Variants in MARCHF7 observed in about 807,000 individuals in gnomAD.
The protein encoded by MARCHF7 is E3 ubiquitin-protein ligase MARCHF7.
MARCHF7 carries 20 observed loss-of-function variants against 76.5 expected under a neutral mutation model. The observed-to-expected ratio is 0.26, with a 90% CI of 0.18 to 0.38. MARCHF7 has a LOEUF of 0.38. MARCHF7 is among the 10% of genes least tolerant of loss of function. The pLI, the probability that MARCHF7 is intolerant of heterozygous loss-of-function variation, is 1.00. For missense variants in MARCHF7, 797 were observed against 812.9 expected, an observed-to-expected ratio of 0.98 and a Z score of 0.24; for synonymous variants, 295 against 293.0, an observed-to-expected ratio of 1.01 and a Z score of -0.07.
rs1387447138 is a variant in MARCHF7, at chr2:159,748,512, G to C, written c.1222G>C (p.Glu408Gln). Reference sequence around the variant, plus strand: ...TAGAAGGAGGCGAGAGGGAAGAGATGAATCTTCAAGGATACCTACCTCTGA... The same window carrying C: ...TAGAAGGAGGCGAGAGGGAAGAGATCAATCTTCAAGGATACCTACCTCTGA... ...FSRRRREGRD[E>Q]SSRIPTSDTS... The change falls in exon 7 of 12, where the codon GAA becomes CAA. Residue 408 changes from glutamate to glutamine, a missense_variant. This residue lies in a region of MARCHF7 where 643 missense variants were observed against 631.5 expected (regional missense o/e 1.02). Coordinates refer to ENST00000409175, the MANE Select transcript of MARCHF7 (RefSeq NM_001282805.2). 6.2e-7 allele frequency: 1 copy of C among 1,614,102 alleles called. No homozygotes were observed. Among genetic ancestry groups the C allele is most frequent in the Non-Finnish European group, 8.5e-7 (1 of 1,180,002 alleles).
chr2:159,727,383 C>T (rs989994459), intron 3 of MARCHF7, among the ~76,000 whole-genome samples: 13 of 152,154 alleles, frequency 8.5e-5, no homozygotes, highest in Admixed American at 3.3e-4. Context: ...GTCAGGAGAT[C>T]GAGACCATCC....
chr2:159,740,192 T>G (rs754206883), intron 4 of MARCHF7, among the ~76,000 whole-genome samples: 2 of 152,238 alleles, frequency 1.3e-5, no homozygotes, highest in Non-Finnish European at 2.9e-5. Flanking sequence ...GTTCATCTAT[T>G]TCGTCTTCCA....
intron 1 of MARCHF7, among the ~76,000 whole-genome samples, chr2:159,714,020 A>G (rs983569317): frequency 3.3e-5 from 5 of 152,136 alleles, no homozygotes; most frequent in Admixed American, 1.3e-4. Context: ...GAAGAGGGCT[A>G]TTTTCCCAGA....
rs34742849 is a variant in MARCHF7, at chr2:159,734,323, CTT to C, written c.153+5158_153+5159del. 1.5e-3 allele frequency among the ~76,000 whole-genome samples: 216 copies of C among 147,486 alleles called. 1 individual carries two copies. The highest frequency in any genetic ancestry group is 0.011 in the Middle Eastern group (3 of 280). On this transcript the variant is annotated intron_variant, in intron 4 of 11. Coordinates refer to ENST00000409175, the MANE Select transcript of MARCHF7 (RefSeq NM_001282805.2). ...AGGGGCTTTTTAAAGTTATTGATAC[CTT>C]TTTTTTTTTAGTTTGTAGATAACTG...
At chr2:159,759,985 C>G (rs1314419487) in intron 9 of MARCHF7, among the ~76,000 whole-genome samples, 3 of 152,128 alleles carry the variant, frequency 2.0e-5, no homozygotes, top group Non-Finnish European at 4.4e-5. Flanking sequence ...GGCCTCCCCT[C>G]TTTTATTATA....
rs1251535934 is a variant in MARCHF7, at chr2:159,767,451, T to A, written c.*109T>A. On this transcript the variant is annotated 3_prime_UTR_variant, in exon 12 of 12. Coordinates refer to ENST00000409175, the MANE Select transcript of MARCHF7 (RefSeq NM_001282805.2). Reference sequence around the variant, plus strand: ...ATGCCTAATAAATACATTGACTATATATAAAATGAATATATACATACACAT... The same window carrying A: ...ATGCCTAATAAATACATTGACTATAAATAAAATGAATATATACATACACAT... 5 of 698,692 alleles carry A rather than the reference T, an allele frequency of 7.2e-6. No homozygotes were observed. The highest frequency in any genetic ancestry group is 5.4e-5 in the African/African-American group (3 of 55,062). The allele number at this position is 698,692 out of a possible 1,614,324, so 43.3% of individuals were successfully genotyped here.
chr2:159,723,493 C>G (rs1312435616), intron 3 of MARCHF7, among the ~76,000 whole-genome samples: 1 of 152,118 alleles, frequency 6.6e-6, no homozygotes, highest in Non-Finnish European at 1.5e-5. Flanking sequence ...TTTTCCTTAC[C>G]CTTTACCCCA....
At chr2:159,737,597 A>G (rs1703610198) in intron 4 of MARCHF7, among the ~76,000 whole-genome samples, 1 of 152,190 alleles carries the variant, frequency 6.6e-6, no homozygotes, top group Non-Finnish European at 1.5e-5. Context: ...AGACCTGTGC[A>G]ACATAGTGAG....
At chr2:159,715,452 T>C (rs1309240442) in intron 2 of MARCHF7, among the ~76,000 whole-genome samples, 1 of 152,170 alleles carries the variant, frequency 6.6e-6, no homozygotes, top group Non-Finnish European at 1.5e-5. Flanking sequence ...ACTCAAGCAG[T>C]TCTCCCACCT....
Position 159,752,348 on chromosome 2 carries a change from G to A in MARCHF7, c.1614-54G>A, listed in dbSNP as rs1230978105. 3.4e-6 allele frequency: 5 copies of A among 1,456,314 alleles called. No homozygotes were observed. In the South Asian group the frequency reaches 6.1e-5, roughly 18 times the overall value. The allele number at this position is 1,456,314 out of a possible 1,614,324, so 90.2% of individuals were successfully genotyped here. ...AAGCTTGTGATTATGTATGACTGAA[G>A]TAACCAACCAGGATGAGTTATGATA... On this transcript the variant is annotated intron_variant, in intron 7 of 11. Transcript: ENST00000409175.
intron 8 of MARCHF7, among the ~76,000 whole-genome samples, chr2:159,755,728 A>C (rs1044768873): frequency 6.6e-6 from 1 of 152,224 alleles, no homozygotes; most frequent in Non-Finnish European, 1.5e-5. Context: ...TTAAATGTAC[A>C]TAATTGTGAA....
chr2:159,751,106 G>C (rs979987561), intron 7 of MARCHF7, among the ~76,000 whole-genome samples: 2 of 152,194 alleles, frequency 1.3e-5, no homozygotes, highest in African/African-American at 4.8e-5. Context: ...TGTTACAGCA[G>C]CTTCCTCCAA....
chr2:159,759,516 T>A (rs200923968), intron 9 of MARCHF7, among the ~76,000 whole-genome samples, 181 bp downstream of exon 9: 3 of 148,738 alleles, frequency 2.0e-5, no homozygotes, highest in Non-Finnish European at 4.5e-5. Context: ...TTTTTTTTTT[T>A]ATTTTTCCCT....
intron 4 of MARCHF7, among the ~76,000 whole-genome samples, chr2:159,730,746 C>A (rs569576358): frequency 6.6e-6 from 1 of 152,242 alleles, no homozygotes; most frequent in Non-Finnish European, 1.5e-5. Context: ...TTTGTCTACT[C>A]ATTTTTGTCT....
At chr2:159,726,783 A>T (rs540646513) in intron 3 of MARCHF7, among the ~76,000 whole-genome samples, 3 of 152,188 alleles carry the variant, frequency 2.0e-5, no homozygotes, top group Non-Finnish European at 4.4e-5. Context: ...AAAATTTCAT[A>T]CTCATTAAAC....
chr2:159,718,399 G>A (rs886087373), intron 3 of MARCHF7, among the ~76,000 whole-genome samples: 20 of 152,154 alleles, frequency 1.3e-4, no homozygotes, highest in African/African-American at 4.3e-4. Flanking sequence ...ACTTTTAGGT[G>A]TGGGAGGTAG....
At position 159,745,940 on chromosome 2, in the gene MARCHF7, A is replaced by G. The variant is rs1274502028; in HGVS notation, c.514+3A>G. Reference sequence around the variant, plus strand: ...TGGTGATTTCACAACTTCATCATGTATGTATAAATTACATCAAGTATAACT... The same window carrying G: ...TGGTGATTTCACAACTTCATCATGTGTGTATAAATTACATCAAGTATAACT... On this transcript the variant is annotated splice_donor_region_variant and intron_variant, in intron 6 of 11. Coordinates refer to ENST00000409175, the MANE Select transcript of MARCHF7 (RefSeq NM_001282805.2). The G allele has an allele frequency of 1.9e-6, 3 of 1,605,358 alleles. No individual in the cohort carries two copies. The highest frequency in any genetic ancestry group is 1.1e-5 in the South Asian group (1 of 89,500).
At chr2:159,750,984 A>G (rs1486527276) in intron 7 of MARCHF7, among the ~76,000 whole-genome samples, 1 of 152,186 alleles carries the variant, frequency 6.6e-6, no homozygotes, top group South Asian at 2.1e-4. Flanking sequence ...TTCATTTTAT[A>G]GGACAGATTT....
At position 159,770,451 on chromosome 2, in the gene MARCHF7, TAA is replaced by T. The variant is rs996534701; in HGVS notation, c.*3113_*3114del. 6.6e-6 allele frequency: 1 copy of T among 152,166 alleles called. No individual in the cohort carries two copies. The highest frequency in any genetic ancestry group is 1.9e-4 in the East Asian group (1 of 5,186). The allele number at this position is 152,166 out of a possible 1,614,324, so 9.4% of individuals were successfully genotyped here. ...GAGTGTTTTCGATTCATGTGGTCAA[TAA>T]AAAGAGACTACACAAGCTGGAACTT... is the stretch of plus-strand genomic sequence containing the variant. On this transcript the variant is annotated 3_prime_UTR_variant, in exon 12 of 12. Transcript: ENST00000409175.
Sources: gnomAD v4.1 joint callset for allele counts (sites outside exome capture counted in the v4.1 genomes callset) on GRCh38, gnomAD v4.1.1 for gene constraint, gnomAD v4.1.1 regional missense constraint, MANE v1.5 for transcripts, NCBI Gene and HGNC (gene_info 2026-07-23, HGNC 2026-07-21) for gene names.